Variants in UBXN7 observed in about 807,000 individuals in gnomAD.
UBXN7 encodes the protein UBX domain protein 7, also known as UBX domain-containing protein 7.
In UBXN7, 9 loss-of-function variants were observed where a neutral mutation model predicts 58.0. The ratio of observed to expected loss-of-function variants is 0.16; its 90% CI spans 0.09 to 0.27. UBXN7 has a LOEUF of 0.27. Among genes scored for constraint, UBXN7 ranks in the 10% least tolerant of loss-of-function variants. The pLI is 1.00. For synonymous variants in UBXN7, 208 were observed against 205.0 expected (o/e 1.01, Z -0.12); for missense variants, 328 against 599.6 (o/e 0.55, Z 4.73).
chr3:196,363,626 G>A (rs1684027633), intron 8 of UBXN7, among the ~76,000 whole-genome samples: 1 of 152,032 alleles, frequency 6.6e-6, no homozygotes, highest in African/African-American at 2.4e-5. Flanking sequence ...CTACTCCAGT[G>A]AACACACAAA....
chr3:196,417,876 T>C (rs929545239), intron 1 of UBXN7, among the ~76,000 whole-genome samples: 2 of 149,964 alleles, frequency 1.3e-5, no homozygotes, highest in Middle Eastern at 3.6e-3. Context: ...CTGTGAGCTA[T>C]GATCATACCA....
chr3:196,373,477 G>C (rs578014011), intron 5 of UBXN7, among the ~76,000 whole-genome samples: 1 of 152,262 alleles, frequency 6.6e-6, no homozygotes, highest in South Asian at 2.1e-4. Flanking sequence ...ACAGTGACAC[G>C]AAACCACAGT....
chr3:196,393,453 G>T, intron 4 of UBXN7, 101 bp downstream of exon 4: 1 of 1,100,982 alleles, frequency 9.1e-7, no homozygotes, highest in Non-Finnish European at 1.3e-6. Context: ...ACTTTTTAAA[G>T]AAGGTGAAAA....
chr3:196,367,048 T>C (rs1180433049), intron 8 of UBXN7, among the ~76,000 whole-genome samples: 2 of 152,040 alleles, frequency 1.3e-5, no homozygotes, highest in African/African-American at 2.4e-5. Flanking sequence ...CCAGATGCAG[T>C]GGTGTACGTC....
Position 196,404,417 on chromosome 3 carries a change from C to A in UBXN7, c.222-1398G>T, listed in dbSNP as rs184505822. 2.5e-3 allele frequency among the ~76,000 whole-genome samples: 375 copies of A among 152,216 alleles called. 2 individuals carry two copies. Among genetic ancestry groups the A allele is most frequent in the African/African-American group, 7.4e-3 (307 of 41,542 alleles). On this transcript the variant is annotated intron_variant, in intron 2 of 10. Transcript: ENST00000296328. ...AGCTGGGACTACAGGCGCACGCCACCACGCCCGGCTAATTTTTTGTATTTT... is the reference window on the plus strand; with the variant it reads ...AGCTGGGACTACAGGCGCACGCCACAACGCCCGGCTAATTTTTTGTATTTT...
At chr3:196,431,103 T>C (rs2108630501) in intron 1 of UBXN7, among the ~76,000 whole-genome samples, 1 of 152,288 alleles carries the variant, frequency 6.6e-6, no homozygotes, top group East Asian at 1.9e-4. Flanking sequence ...ATACAACCTG[T>C]AGTAGTTAAA....
chr3:196,375,508 AAT>A (rs1476570633), intron 5 of UBXN7, among the ~76,000 whole-genome samples: 1 of 152,156 alleles, frequency 6.6e-6, no homozygotes, highest in Non-Finnish European at 1.5e-5. Context: ...TCTTAAAAAT[AAT>A]CTAAGTATAC....
At chr3:196,359,342 TC>T (rs1421963287) in intron 10 of UBXN7, among the ~76,000 whole-genome samples, 1 of 152,160 alleles carries the variant, frequency 6.6e-6, no homozygotes, top group East Asian at 1.9e-4. Context: ...TCTCTCTCCC[TC>T]TATTCAGGCC....
At chr3:196,367,984 C>T (rs556685031) in intron 8 of UBXN7, 44 bp downstream of exon 8, 1 of 1,597,702 alleles carries the variant, frequency 6.3e-7, no homozygotes, top group East Asian at 2.2e-5. Context: ...TGCTTATGAC[C>T]AATTACATTT....
At chr3:196,386,039 T>C (rs1560228662) in intron 5 of UBXN7, among the ~76,000 whole-genome samples, 2 of 152,082 alleles carry the variant, frequency 1.3e-5, no homozygotes, top group Non-Finnish European at 2.9e-5. Flanking sequence ...CTAAGAGAAA[T>C]TCTTCTGCCT....
chr3:196,396,548 G>A lies in UBXN7; in HGVS notation c.290-2929C>T, dbSNP rs146861931. ...GAGACCGAGGTGGGTGGATCACGAG[G>A]TCGGGAGATTGAGACCATACTGGCT... On this transcript the variant is annotated intron_variant, in intron 3 of 10. Coordinates refer to ENST00000296328, the MANE Select transcript of UBXN7 (RefSeq NM_015562.2). 7.8e-3 allele frequency among the ~76,000 whole-genome samples: 1,180 copies of A among 152,220 alleles called. 6 individuals are homozygous for A. The highest frequency in any genetic ancestry group is 0.012 in the Non-Finnish European group (809 of 68,018).
chr3:196,375,729 A>G (rs2108836123), intron 5 of UBXN7, among the ~76,000 whole-genome samples: 3 of 152,340 alleles, frequency 2.0e-5, no homozygotes, highest in African/African-American at 7.2e-5. Context: ...TCAGGAAGGC[A>G]TGATAAAAAA....
rs138661378 is a variant in UBXN7 at position 196,403,486 on chromosome 3, C to T, written c.222-467G>A. On this transcript the variant is annotated intron_variant, in intron 2 of 10. Coordinates refer to ENST00000296328, the MANE Select transcript of UBXN7 (RefSeq NM_015562.2). ...TGATAAATGAGTTTTAGATAGTTTC[C>T]ACATAAAGCTCAAGTGGAAAAGAGT... 7.2e-5 allele frequency among the ~76,000 whole-genome samples: 11 copies of T among 152,188 alleles called. No homozygotes were observed. The East Asian group carries it at 2.1e-3, about 29-fold the overall frequency.
At chr3:196,419,961 AGAAGT>A (rs1272455130) in intron 1 of UBXN7, among the ~76,000 whole-genome samples, 1 of 152,238 alleles carries the variant, frequency 6.6e-6, no homozygotes, top group Non-Finnish European at 1.5e-5. Flanking sequence ...AGGAATATGA[AGAAGT>A]GAAGGTTAAC....
intron 1 of UBXN7, chr3:196,431,669 C>T (rs764796860): frequency 3.7e-5 from 10 of 271,048 alleles, no homozygotes; most frequent in Non-Finnish European, 7.5e-5. Flanking sequence ...CCCTATTCAG[C>T]TTGGGGGTTC....
intron 1 of UBXN7, among the ~76,000 whole-genome samples, chr3:196,422,484 G>GA (rs1054724616): frequency 3.0e-3 from 382 of 128,466 alleles, no homozygotes; most frequent in African/African-American, 7.7e-3. Flanking sequence ...TGTCTCAAAA[G>GA]AAAAAAAAAA....
intron 10 of UBXN7, among the ~76,000 whole-genome samples, chr3:196,358,727 C>T (rs1728420378): frequency 1.3e-5 from 2 of 152,022 alleles, no homozygotes; most frequent in South Asian, 2.1e-4. Context: ...AGCGACAGAG[C>T]GACCCTGTCT....
intron 10 of UBXN7, among the ~76,000 whole-genome samples, chr3:196,357,234 C>T (rs1349129013): frequency 2.6e-5 from 4 of 152,222 alleles, no homozygotes; most frequent in Non-Finnish European, 5.9e-5. Context: ...GCCACCTGTG[C>T]ACTGAATCTC....
chr3:196,401,823 G>GAGAGA (rs56069211), intron 3 of UBXN7, among the ~76,000 whole-genome samples: 18,541 of 120,204 alleles, frequency 0.15, 1,708 homozygotes, highest in Middle Eastern at 0.23. Context: ...GAAAAGAGAA[G>GAGAGA]AGAGAAGAGA....
Sources: gnomAD v4.1 joint callset for allele counts (sites outside exome capture counted in the v4.1 genomes callset) on GRCh38, gnomAD v4.1.1 for gene constraint, MANE v1.5 for transcripts, NCBI Gene and HGNC (gene_info 2026-07-23, HGNC 2026-07-21) for gene names.